WDR64: variants seen among roughly 807,000 people sequenced by gnomAD.
WDR64 encodes the protein WD repeat domain 64, also known as WD repeat-containing protein 64.
Under a neutral mutation model 139.3 loss-of-function variants are expected in WDR64, and 112 were observed. The observed-to-expected ratio is 0.80, with a 90% CI of 0.69 to 0.94. The LOEUF is 0.94. Among genes scored for constraint, WDR64 ranks in the 40% least tolerant of loss-of-function variants. The probability of loss-of-function intolerance (pLI) is 0.00; values close to 1 mark genes in which losing one functional copy is unlikely to be tolerated. For synonymous variants in WDR64, 444 were observed against 437.7 expected (o/e 1.01, Z -0.18); for missense variants, 1,206 against 1,293.1 (o/e 0.93, Z 1.03).
At chr1:241,722,582 T>C (rs527905126) in intron 9 of WDR64, among the ~76,000 whole-genome samples, 1 of 152,120 alleles carries the variant, frequency 6.6e-6, no homozygotes, top group South Asian at 2.1e-4. Context: ...AGGATAATTA[T>C]GCGGGCATGA....
chr1:241,665,041 A>G (rs1475271586), intron 2 of WDR64, among the ~76,000 whole-genome samples: 1 of 151,436 alleles, frequency 6.6e-6, no homozygotes, highest in Non-Finnish European at 1.5e-5. Flanking sequence ...TATGAAGAAG[A>G]AGAAGGAGAA....
At chr1:241,721,958 C>G (rs1242244396) in intron 9 of WDR64, among the ~76,000 whole-genome samples, 1 of 152,002 alleles carries the variant, frequency 6.6e-6, no homozygotes, top group East Asian at 1.9e-4. Flanking sequence ...GCAAAGGAGC[C>G]TGGAAATGTG....
chr1:241,683,755 A>G (rs1311557291), intron 7 of WDR64, 54 bp downstream of exon 7: 1 of 1,349,632 alleles, frequency 7.4e-7, no homozygotes, highest in African/African-American at 1.5e-5. Flanking sequence ...GTCTTTTGCA[A>G]GTAAGCTTTA....
intron 20 of WDR64, 60 bp downstream of exon 20, chr1:241,772,991 A>T: frequency 2.0e-6 from 3 of 1,485,722 alleles, no homozygotes; most frequent in African/African-American, 1.4e-5. Flanking sequence ...AAGAATCATT[A>T]AATGAATCTT....
intron 14 of WDR64, among the ~76,000 whole-genome samples, chr1:241,752,232 A>C (rs1283434601): frequency 1.3e-5 from 2 of 152,236 alleles, no homozygotes; most frequent in Admixed American, 1.3e-4. Flanking sequence ...AGCCAATTCC[A>C]ATATAACATA....
chr1:241,704,488 A>G (rs1445682332), intron 8 of WDR64, among the ~76,000 whole-genome samples: 1 of 152,180 alleles, frequency 6.6e-6, no homozygotes, highest in Non-Finnish European at 1.5e-5. Context: ...GAAATACTGG[A>G]AAGCAGGCCA....
intron 8 of WDR64, among the ~76,000 whole-genome samples, chr1:241,698,996 A>G (rs1262943829): frequency 6.6e-6 from 1 of 152,158 alleles, no homozygotes; most frequent in African/African-American, 2.4e-5. Flanking sequence ...AGAATGAGAA[A>G]ACTGAGGGAA....
At chr1:241,732,172 A>C (rs1669107260) in intron 10 of WDR64, among the ~76,000 whole-genome samples, 1 of 152,226 alleles carries the variant, frequency 6.6e-6, no homozygotes, top group African/African-American at 2.4e-5. Flanking sequence ...CAATCAGAAA[A>C]TGGTGAATTC....
chr1:241,758,064 CT>C (rs539070217), intron 15 of WDR64, among the ~76,000 whole-genome samples: 15 of 152,056 alleles, frequency 9.9e-5, no homozygotes, highest in Middle Eastern at 6.8e-3. Context: ...TGTTAAATAT[CT>C]TTTTTTTCTC....
chr1:241,771,978 A>ATATATATT (rs1658470775), intron 19 of WDR64, among the ~76,000 whole-genome samples: 1 of 128,036 alleles, frequency 7.8e-6, no homozygotes, highest in African/African-American at 3.0e-5. Context: ...ATATATATAT[A>ATATATATT]TATATATATA....
chr1:241,800,782 G>C (rs191474489), intron 27 of WDR64, among the ~76,000 whole-genome samples: 16 of 152,146 alleles, frequency 1.1e-4, no homozygotes, highest in African/African-American at 3.4e-4. Flanking sequence ...TATTAATTGT[G>C]CTCGCTTCAG....
chr1:241,771,610 A>T, intron 18 of WDR64, 51 bp from the exon 19 acceptor site: 1 of 1,388,592 alleles, frequency 7.2e-7, no homozygotes, highest in Non-Finnish European at 9.5e-7. Flanking sequence ...AGTATATCTC[A>T]TTTTCTTACA....
intron 2 of WDR64, among the ~76,000 whole-genome samples, chr1:241,670,269 T>C (rs1666175534): frequency 6.6e-6 from 1 of 152,068 alleles, no homozygotes; most frequent in Non-Finnish European, 1.5e-5. Flanking sequence ...ACGCAATGCC[T>C]ACAGAGTAGG....
chr1:241,763,322 A>T (rs1484140064), intron 15 of WDR64, among the ~76,000 whole-genome samples: 1 of 152,246 alleles, frequency 6.6e-6, no homozygotes, highest in Admixed American at 6.5e-5. Context: ...AATGTAAATT[A>T]TCTCCAATTT....
At chr1:241,732,557 C>T (rs1438724281) in intron 10 of WDR64, among the ~76,000 whole-genome samples, 1 of 152,198 alleles carries the variant, frequency 6.6e-6, no homozygotes, top group Non-Finnish European at 1.5e-5. Context: ...CAGTGGCTCA[C>T]ACCTGTAATC....
At position 241,703,506 on chromosome 1, in the gene WDR64, T is replaced by C. The variant is rs570103540; in HGVS notation, c.975-8296T>C. Among the ~76,000 whole-genome samples, 24 of 151,998 alleles carry C rather than the reference T, an allele frequency of 1.6e-4. No homozygotes were observed. Among genetic ancestry groups the C allele is most frequent in the Non-Finnish European group, 2.2e-4 (15 of 68,014 alleles). On this transcript the variant is annotated intron_variant, in intron 8 of 27. Coordinates refer to ENST00000437684, the MANE Select transcript of WDR64 (RefSeq NM_001367482.1). The surrounding 1 kb of genome is among the most constrained non-coding windows in gnomAD (Gnocchi z 5.9). ...TGAAGAAACTGTCAGAAAATGTTTC[T>C]CTTTAAAATTGCTATCATTTCAGGG...
At chr1:241,728,227 G>A (rs1307378411) in intron 10 of WDR64, among the ~76,000 whole-genome samples, 1 of 152,052 alleles carries the variant, frequency 6.6e-6, no homozygotes, top group African/African-American at 2.4e-5. Context: ...CAGCTACTTG[G>A]GAGGCTGAGG....
intron 17 of WDR64, chr1:241,770,310 C>T (rs1251458649): frequency 2.1e-5 from 5 of 240,414 alleles, no homozygotes; most frequent in Non-Finnish European, 3.9e-5. Context: ...CACCACCCCA[C>T]CCCTTGCCAT....
At chr1:241,694,050 C>T (rs1177693177) in intron 8 of WDR64, among the ~76,000 whole-genome samples, 1 of 151,938 alleles carries the variant, frequency 6.6e-6, no homozygotes, top group Non-Finnish European at 1.5e-5. Flanking sequence ...AGCCTGTCCC[C>T]CTAACAAAAT....
Sources: gnomAD v4.1 joint callset for allele counts (sites outside exome capture counted in the v4.1 genomes callset) on GRCh38, gnomAD v4.1.1 for gene constraint, Gnocchi (gnomAD v3.1) non-coding constraint, MANE v1.5 for transcripts, NCBI Gene and HGNC (gene_info 2026-07-23, HGNC 2026-07-21) for gene names.